Variants in LINGO2 observed in about 807,000 individuals in gnomAD.
LINGO2 encodes leucine rich repeat and Ig domain containing 2.
Under a neutral mutation model 30.6 loss-of-function variants are expected in LINGO2, and 14 were observed. The observed-to-expected ratio is 0.46, with a 90% CI of 0.30 to 0.72. The LOEUF (loss-of-function observed/expected upper bound fraction) is 0.72, where lower values mean the gene tolerates loss of function less well. LINGO2 is among the 30% of genes least tolerant of loss of function. The pLI, the probability that LINGO2 is intolerant of heterozygous loss-of-function variation, is 0.07. For synonymous variants in LINGO2, 317 were observed against 288.5 expected (o/e 1.10, Z -1.00); for missense variants, 729 against 751.7 (o/e 0.97, Z 0.35).
At chr9:28,699,410 T>C in the LINGO2 span, among the ~76,000 whole-genome samples, 3 of 152,212 alleles carry the variant, frequency 2.0e-5, no homozygotes, top group Non-Finnish European at 4.4e-5. Context: ...ACGCCTGTCT[T>C]ACTTTAATCT....
chr9:28,875,881 C>T, the LINGO2 span, among the ~76,000 whole-genome samples: 8 of 152,000 alleles, frequency 5.3e-5, no homozygotes, highest in Non-Finnish European at 1.2e-4. Flanking sequence ...ATGCTTAATA[C>T]ATTTATGTTT....
chr9:29,070,674 G>T, the LINGO2 span, among the ~76,000 whole-genome samples: 1 of 151,122 alleles, frequency 6.6e-6, no homozygotes, highest in African/African-American at 2.4e-5. Flanking sequence ...ACAGGATCTT[G>T]TTGTTAATGT....
At chr9:27,992,577 AGAG>A (rs1415176660) in intron 5 of LINGO2, among the ~76,000 whole-genome samples, 6 of 152,150 alleles carry the variant, frequency 3.9e-5, no homozygotes, top group African/African-American at 1.4e-4. Flanking sequence ...GCGGGAGAAC[AGAG>A]GAGGGAGTGA....
At chr9:28,062,995 G>A (rs1563953221) in intron 4 of LINGO2, among the ~76,000 whole-genome samples, 2 of 151,936 alleles carry the variant, frequency 1.3e-5, no homozygotes, top group Non-Finnish European at 2.9e-5. Flanking sequence ...ATTACTACAT[G>A]TACTCCTTAC....
At chr9:28,333,706 G>T (rs1825498516) in intron 3 of LINGO2, among the ~76,000 whole-genome samples, 1 of 151,972 alleles carries the variant, frequency 6.6e-6, no homozygotes, top group Non-Finnish European at 1.5e-5. Flanking sequence ...ATCACGTCAG[G>T]GCCGTGCCAT....
the LINGO2 span, among the ~76,000 whole-genome samples, chr9:28,684,888 T>C: frequency 6.6e-6 from 1 of 152,118 alleles, no homozygotes; most frequent in Non-Finnish European, 1.5e-5. Flanking sequence ...ACAGGTAAAT[T>C]GCATGTTGCG....
intron 5 of LINGO2, among the ~76,000 whole-genome samples, chr9:27,966,517 C>A (rs1326724963): frequency 6.6e-6 from 1 of 152,040 alleles, no homozygotes; most frequent in African/African-American, 2.4e-5. Flanking sequence ...GGGAATTGAA[C>A]AGTGGGAACA....
chr9:28,351,764 A>C (rs1819904837), intron 3 of LINGO2, among the ~76,000 whole-genome samples: 2 of 152,300 alleles, frequency 1.3e-5, no homozygotes, highest in South Asian at 2.1e-4. Context: ...AAATACTGGC[A>C]AAACGAATCC....
chr9:29,082,054 T>C, the LINGO2 span, among the ~76,000 whole-genome samples: 3 of 152,106 alleles, frequency 2.0e-5, no homozygotes, highest in Non-Finnish European at 4.4e-5. Flanking sequence ...CCAATGACTT[T>C]CTTCACAGAA....
At chr9:29,196,338 C>T in the LINGO2 span, among the ~76,000 whole-genome samples, 1 of 152,000 alleles carries the variant, frequency 6.6e-6, no homozygotes, top group African/African-American at 2.4e-5. Flanking sequence ...ATGTATAAGA[C>T]ATCTACAATA....
intron 4 of LINGO2, among the ~76,000 whole-genome samples, chr9:28,239,253 T>C (rs542404483): frequency 1.1e-4 from 17 of 151,996 alleles, no homozygotes; most frequent in African/African-American, 3.6e-4. Context: ...TTCTGAAAAA[T>C]AGAGGAAGAG....
At chr9:28,781,017 T>A in the LINGO2 span, among the ~76,000 whole-genome samples, 1 of 152,162 alleles carries the variant, frequency 6.6e-6, no homozygotes, top group African/African-American at 2.4e-5. Flanking sequence ...AATAAGATTT[T>A]AAAATGTGTG....
intron 1 of LINGO2, among the ~76,000 whole-genome samples, chr9:28,589,471 A>C (rs1039780915): frequency 6.6e-6 from 1 of 152,158 alleles, no homozygotes; most frequent in East Asian, 1.9e-4. Flanking sequence ...TACAAAATCA[A>C]TGTACAAAAA....
the LINGO2 span, among the ~76,000 whole-genome samples, chr9:28,827,617 C>CA: frequency 2.0e-5 from 3 of 152,148 alleles, no homozygotes; most frequent in South Asian, 6.2e-4. Context: ...GATTTAAGGA[C>CA]AATTTGACAA....
At chr9:28,353,027 T>C (rs1409511662) in intron 3 of LINGO2, among the ~76,000 whole-genome samples, 1 of 150,928 alleles carries the variant, frequency 6.6e-6, no homozygotes, top group Non-Finnish European at 1.5e-5. Flanking sequence ...ACTTAAACGT[T>C]AGACCTAAAA....
At chr9:28,394,238 A>G (rs182524861) in intron 2 of LINGO2, among the ~76,000 whole-genome samples, 1 of 152,216 alleles carries the variant, frequency 6.6e-6, no homozygotes, top group East Asian at 1.9e-4. Context: ...CACTTTGCGT[A>G]AAGACTATGA....
chr9:28,551,910 G>A (rs1205723770), intron 1 of LINGO2, among the ~76,000 whole-genome samples: 2 of 151,900 alleles, frequency 1.3e-5, no homozygotes, highest in Non-Finnish European at 2.9e-5. Context: ...ATTGATATAA[G>A]CACTATTTAC....
At chr9:27,964,618 A>G (rs1221386095) in intron 5 of LINGO2, among the ~76,000 whole-genome samples, 1 of 152,084 alleles carries the variant, frequency 6.6e-6, no homozygotes, top group East Asian at 1.9e-4. Flanking sequence ...TTGTCTCTTT[A>G]TAATTTATTC....
At chr9:28,871,179 T>A in the LINGO2 span, among the ~76,000 whole-genome samples, 1 of 151,678 alleles carries the variant, frequency 6.6e-6, no homozygotes, top group Non-Finnish European at 1.5e-5. Flanking sequence ...GCTATGTAGA[T>A]ACTAAAGGTA....
Sources: gnomAD v4.1 joint callset for allele counts (sites outside exome capture counted in the v4.1 genomes callset) on GRCh38, gnomAD v4.1.1 for gene constraint, MANE v1.5 for transcripts, NCBI Gene and HGNC (gene_info 2026-07-23, HGNC 2026-07-21) for gene names.